Variants in PPP5C observed in about 807,000 individuals in gnomAD.
PPP5C encodes protein phosphatase 5 catalytic subunit, also known as serine/threonine-protein phosphatase 5.
A neutral mutation model predicts 66.7 loss-of-function variants in PPP5C; 21 were observed. The ratio of observed to expected loss-of-function variants is 0.31; its 90% CI spans 0.22 to 0.45. The LOEUF (loss-of-function observed/expected upper bound fraction) is 0.45, where lower values mean the gene tolerates loss of function less well. Among genes scored for constraint, PPP5C ranks in the 20% least tolerant of loss-of-function variants. The pLI, the probability that PPP5C is intolerant of heterozygous loss-of-function variation, is 1.00. For synonymous variants in PPP5C, 246 were observed against 257.4 expected (o/e 0.96, Z 0.43); for missense variants, 464 against 675.9 (o/e 0.69, Z 3.48).
At chr19:46,357,938 A>T (rs552151224) in intron 2 of PPP5C, among the ~76,000 whole-genome samples, 2 of 152,310 alleles carry the variant, frequency 1.3e-5, no homozygotes, top group Admixed American at 1.3e-4. Context: ...TGATCAACTT[A>T]ACCTTCAGCC....
At chr19:46,371,011 A>T (rs1437518186) in intron 2 of PPP5C, among the ~76,000 whole-genome samples, 1 of 152,144 alleles carries the variant, frequency 6.6e-6, no homozygotes, top group Non-Finnish European at 1.5e-5. Context: ...AAGTGCTGGG[A>T]TTACAGGCGT....
In PPP5C at chr19:46,387,660, G is replaced by A. The variant is rs756313810; in HGVS notation, c.1135+207G>A. On this transcript the variant is annotated intron_variant, in intron 9 of 12. Coordinates refer to ENST00000012443, the MANE Select transcript of PPP5C (RefSeq NM_006247.4). ...GCAAGCACGGTCGTGACCATGGTGC[G>A]GGGTGAAGGCACGGTGACCGCCGAG... The A allele has an allele frequency of 3.3e-5, 50 of 1,500,060 alleles. 1 individual carries two copies. In the Middle Eastern group the frequency reaches 1.9e-3, roughly 58 times the overall value. 92.9% of individuals were successfully genotyped at this position (1,500,060 alleles called of 1,614,324 possible).
chr19:46,372,253 G>A (rs1972606596), intron 2 of PPP5C, among the ~76,000 whole-genome samples: 1 of 152,040 alleles, frequency 6.6e-6, no homozygotes, highest in Non-Finnish European at 1.5e-5. Context: ...ACCCAGGCTG[G>A]AGTGTGATGG....
At position 46,388,833 on chromosome 19, in the gene PPP5C, A is replaced by G. The variant is rs1972939053; in HGVS notation, c.1355+102A>G. On this transcript the variant is annotated intron_variant, in intron 11 of 12. Transcript: ENST00000012443. The surrounding 1 kb of genome is among the most constrained non-coding windows in gnomAD (Gnocchi z 4.9). ...TGATGGAACATTTCAAAGACAGGCA[A>G]GAGCAGATAAAAGAACATGACGAAC... The G allele has an allele frequency of 1.4e-6, 2 of 1,430,818 alleles. No homozygotes were observed. The highest frequency in any genetic ancestry group is 1.9e-6 in the Non-Finnish European group (2 of 1,049,450). 88.6% of individuals were successfully genotyped at this position (1,430,818 alleles called of 1,614,324 possible). A position where few individuals can be genotyped will look rare whatever the true frequency, so the allele number is the denominator to read the frequency against.
intron 2 of PPP5C, among the ~76,000 whole-genome samples, chr19:46,357,253 G>A (rs907979317): frequency 5.9e-5 from 9 of 152,140 alleles, no homozygotes; most frequent in African/African-American, 2.2e-4. Flanking sequence ...TCACCATGTT[G>A]CCCAGGCTGG....
chr19:46,349,739 T>G, intron 1 of PPP5C, among the ~76,000 whole-genome samples: 1 of 149,454 alleles, frequency 6.7e-6, no homozygotes, highest in South Asian at 2.1e-4. Context: ...AGTGGACAGG[T>G]GAGGAGGGGT....
intron 2 of PPP5C, among the ~76,000 whole-genome samples, chr19:46,360,234 T>C (rs1423929457): frequency 6.6e-6 from 1 of 152,164 alleles, no homozygotes; most frequent in African/African-American, 2.4e-5. Context: ...TAATAACTGA[T>C]AACATATACG....
At position 46,383,285 on chromosome 19, in the gene PPP5C, TTTC is replaced by T; in HGVS notation, c.634-121_634-119del. ...GCTCCCCCAGGCCTGCCCTGCCCTTTTTCTTCTCTCCCTGCTTCTCCCTCGCCC... is the reference window on the plus strand; with the variant it reads ...GCTCCCCCAGGCCTGCCCTGCCCTTTTTCTCTCCCTGCTTCTCCCTCGCCC... On this transcript the variant is annotated intron_variant, in intron 4 of 12. Transcript: ENST00000012443. The surrounding 1 kb of genome is among the most constrained non-coding windows in gnomAD (Gnocchi z 5.0). 6.5e-7 allele frequency: 1 copy of T among 1,549,214 alleles called. No homozygotes were observed. The highest frequency in any genetic ancestry group is 8.7e-7 in the Non-Finnish European group (1 of 1,146,248).
At chr19:46,389,988 C>A in intron 11 of PPP5C, 63 bp from the exon 12 acceptor site, 2 of 1,499,132 alleles carry the variant, frequency 1.3e-6, no homozygotes, top group Non-Finnish European at 9.3e-7. Context: ...GCCATTCCTT[C>A]TCTTAACCCA....
chr19:46,379,867 C>A (rs1182348428), intron 4 of PPP5C, among the ~76,000 whole-genome samples: 2 of 152,186 alleles, frequency 1.3e-5, no homozygotes, highest in Non-Finnish European at 2.9e-5. Context: ...GAGAACTGAG[C>A]AGATATCACT....
intron 4 of PPP5C, chr19:46,382,031 A>G (rs1972800079): frequency 6.6e-6 from 1 of 151,168 alleles, no homozygotes; most frequent in African/African-American, 2.5e-5. Flanking sequence ...CTGTGGGGCC[A>G]CTGGGGTGCT....
In PPP5C at chr19:46,390,828, A is replaced by AAAAT; in HGVS notation, c.*486_*489dup. On this transcript the variant is annotated 3_prime_UTR_variant, in exon 13 of 13. Coordinates refer to ENST00000012443, the MANE Select transcript of PPP5C (RefSeq NM_006247.4). ...TTTTATGTCTGTAATTAAATATGTT[A>AAAAT]AAATAAAGTCATTATCGGAAGTCAG... is the stretch of plus-strand genomic sequence containing the variant. 8.8e-7 allele frequency: 1 copy of AAAAT among 1,130,086 alleles called. No individual in the cohort carries two copies. The highest frequency in any genetic ancestry group is 1.6e-5 in the African/African-American group (1 of 61,900). The allele number at this position is 1,130,086 out of a possible 1,614,324, so 70.0% of individuals were successfully genotyped here.
intron 4 of PPP5C, chr19:46,382,891 C>T (rs572322991): frequency 1.9e-6 from 2 of 1,067,604 alleles, no homozygotes; most frequent in Admixed American, 4.9e-5. Flanking sequence ...AAATCATCTG[C>T]ATTTCTAGAC....
intron 2 of PPP5C, among the ~76,000 whole-genome samples, chr19:46,357,659 G>T (rs993374881): frequency 6.6e-6 from 1 of 152,102 alleles, no homozygotes; most frequent in African/African-American, 2.4e-5. Flanking sequence ...CCACTCCTTG[G>T]GTTCAATTAA....
At position 46,388,410 on chromosome 19, in the gene PPP5C, C is replaced by A; in HGVS notation, c.1138C>A (p.Pro380Thr). The A allele has an allele frequency of 1.9e-6, 3 of 1,610,714 alleles. No individual in the cohort carries two copies. Among genetic ancestry groups the A allele is most frequent in the East Asian group, 4.5e-5 (2 of 44,772 alleles). The change falls in exon 10 of 13, where the codon CCC becomes ACC. Residue 380 changes from proline (P) to threonine (T), a missense_variant and splice_region_variant. Physicochemically the swap from Pro to Thr is conservative, Grantham distance 38. Transcript: ENST00000012443. The surrounding 1 kb of genome is among the most constrained non-coding windows in gnomAD (Gnocchi z 4.9). ...ATGTTTCCCTCGCTCCCCACCAGGG[C>A]CCATGTGTGACCTGCTCTGGTCAGA... The part of the protein sequence containing the change: ...ERNRQPPDSG[P>T]MCDLLWSDPQ...
chr19:46,349,109 G>T (rs1972137977), intron 1 of PPP5C, among the ~76,000 whole-genome samples: 1 of 152,088 alleles, frequency 6.6e-6, no homozygotes, highest in Non-Finnish European at 1.5e-5. Flanking sequence ...AGACCAACCT[G>T]GCCAACATGG....
At chr19:46,386,757 C>A in intron 7 of PPP5C, 1 of 339,892 alleles carries the variant, frequency 2.9e-6, no homozygotes, top group African/African-American at 2.1e-5. Context: ...GCACTATAGG[C>A]ACGCACCACC....
chr19:46,358,755 T>A (rs1045740995), intron 2 of PPP5C, among the ~76,000 whole-genome samples: 2 of 152,148 alleles, frequency 1.3e-5, no homozygotes, highest in African/African-American at 4.8e-5. Flanking sequence ...CTTTCAGGAA[T>A]TCTCATTGGT....
At chr19:46,363,496 C>T (rs2147374102) in intron 2 of PPP5C, among the ~76,000 whole-genome samples, 1 of 151,670 alleles carries the variant, frequency 6.6e-6, no homozygotes, top group South Asian at 2.1e-4. Flanking sequence ...GTGGCGCGAT[C>T]TCGGCTCACT....
Sources: gnomAD v4.1 joint callset for allele counts (sites outside exome capture counted in the v4.1 genomes callset) on GRCh38, gnomAD v4.1.1 for gene constraint, Gnocchi (gnomAD v3.1) non-coding constraint, MANE v1.5 for transcripts, NCBI Gene and HGNC (gene_info 2026-07-23, HGNC 2026-07-21) for gene names.